Variants in PTPRD observed in about 807,000 individuals in gnomAD.
The protein encoded by PTPRD is protein tyrosine phosphatase receptor type D.
PTPRD carries 34 observed loss-of-function variants against 214.5 expected under a neutral mutation model. The observed-to-expected ratio is 0.16, with a 90% CI of 0.12 to 0.21. The LOEUF (loss-of-function observed/expected upper bound fraction) is 0.21. Among genes scored for constraint, PTPRD ranks in the 10% least tolerant of loss-of-function variants. The probability of loss-of-function intolerance (pLI) is 1.00; values close to 1 mark genes in which losing one functional copy is unlikely to be tolerated. For missense variants in PTPRD, 2,545 were observed against 2,398.7 expected, an observed-to-expected ratio of 1.06 and a Z score of -1.27; for synonymous variants, 1,128 against 845.7, an observed-to-expected ratio of 1.33 and a Z score of -5.79.
At chr9:9,943,034 A>C (rs948441143) in intron 4 of PTPRD, among the ~76,000 whole-genome samples, 1 of 152,132 alleles carries the variant, frequency 6.6e-6, no homozygotes, top group Non-Finnish European at 1.5e-5. Context: ...AACTCGGGGC[A>C]AAAGCTGATA....
chr9:9,869,899 G>A (rs1413699185), intron 5 of PTPRD, among the ~76,000 whole-genome samples: 2 of 151,940 alleles, frequency 1.3e-5, no homozygotes, highest in East Asian at 3.9e-4. Context: ...AAAACAATTA[G>A]AGAACAGCCA....
chr9:9,404,212 G>T (rs922464383), intron 8 of PTPRD, among the ~76,000 whole-genome samples: 3 of 152,142 alleles, frequency 2.0e-5, no homozygotes, highest in South Asian at 2.1e-4. Flanking sequence ...TCATTGGAGG[G>T]TTTTAAGAAG....
chr9:8,607,500 G>A (rs2095273199), intron 14 of PTPRD, among the ~76,000 whole-genome samples: 1 of 152,034 alleles, frequency 6.6e-6, no homozygotes, highest in South Asian at 2.1e-4. Flanking sequence ...AAAATTAGCT[G>A]ATCGTGGTGA....
intron 9 of PTPRD, among the ~76,000 whole-genome samples, chr9:9,372,828 C>T (rs988389725): frequency 1.3e-4 from 20 of 152,034 alleles, no homozygotes; most frequent in African/African-American, 4.6e-4. Flanking sequence ...AATCTCTCAG[C>T]ATTTGCTTGT....
chr9:9,623,000 T>G (rs1387324791), intron 7 of PTPRD, among the ~76,000 whole-genome samples: 1 of 152,216 alleles, frequency 6.6e-6, no homozygotes, highest in East Asian at 1.9e-4. Context: ...GTTTGCTACC[T>G]TGTGTGGTAA....
At chr9:8,788,599 TA>T (rs1458648823) in intron 11 of PTPRD, among the ~76,000 whole-genome samples, 2 of 152,130 alleles carry the variant, frequency 1.3e-5, no homozygotes, top group Non-Finnish European at 2.9e-5. Flanking sequence ...TAACTTAGCC[TA>T]AAAACGTTTC....
intron 14 of PTPRD, among the ~76,000 whole-genome samples, chr9:8,578,572 G>C (rs1166849208): frequency 6.6e-6 from 1 of 152,162 alleles, no homozygotes; most frequent in African/African-American, 2.4e-5. Context: ...GAGTGCAGAG[G>C]CTTGGTTATC....
chr9:8,752,859 G>T (rs551121057), intron 11 of PTPRD, among the ~76,000 whole-genome samples: 1 of 152,324 alleles, frequency 6.6e-6, no homozygotes, highest in East Asian at 1.9e-4. Flanking sequence ...AGAGAATTGA[G>T]ATAATTAAGT....
intron 2 of PTPRD, among the ~76,000 whole-genome samples, chr9:10,413,296 G>T (rs1159640152): frequency 1.3e-5 from 2 of 152,000 alleles, no homozygotes; most frequent in East Asian, 3.9e-4. Flanking sequence ...AAAGTCAATA[G>T]TATTCCTGTA....
At chr9:9,581,525 G>GA (rs531008447) in intron 7 of PTPRD, among the ~76,000 whole-genome samples, 2 of 152,018 alleles carry the variant, frequency 1.3e-5, no homozygotes, top group South Asian at 2.1e-4. Context: ...ACATATTTGG[G>GA]AAAAAATGTA....
intron 5 of PTPRD, among the ~76,000 whole-genome samples, chr9:9,914,289 G>T (rs1199171764): frequency 1.3e-5 from 2 of 152,314 alleles, no homozygotes; most frequent in Admixed American, 6.5e-5. Context: ...TAACAGCCCT[G>T]TGCCTGCAGT....
At chr9:10,333,560 G>A (rs1388689087) in intron 3 of PTPRD, among the ~76,000 whole-genome samples, 1 of 151,750 alleles carries the variant, frequency 6.6e-6, no homozygotes, top group Non-Finnish European at 1.5e-5. Flanking sequence ...TTTTTGAGGG[G>A]TTTGAGAATA....
At chr9:8,974,137 A>G (rs1171764878) in intron 11 of PTPRD, among the ~76,000 whole-genome samples, 1 of 152,012 alleles carries the variant, frequency 6.6e-6, no homozygotes, top group Non-Finnish European at 1.5e-5. Context: ...CGATGTTGAG[A>G]AGGGTATTTC....
intron 35 of PTPRD, among the ~76,000 whole-genome samples, chr9:8,429,311 G>A (rs1291301814): frequency 6.6e-6 from 1 of 152,096 alleles, no homozygotes; most frequent in Admixed American, 6.5e-5. Context: ...CATAGTAGGT[G>A]TGTGACCTTG....
intron 3 of PTPRD, among the ~76,000 whole-genome samples, chr9:10,185,134 A>C (rs2099323748): frequency 6.6e-6 from 1 of 152,232 alleles, no homozygotes; most frequent in Non-Finnish European, 1.5e-5. Flanking sequence ...GAACAGCATT[A>C]AAGATGATCT....
rs375913190 is a variant in PTPRD, at chr9:9,535,750, A to G, written c.-237+38982T>C. Among the ~76,000 whole-genome samples, 10 of 152,218 alleles carry G rather than the reference A, an allele frequency of 6.6e-5. No individual in the cohort carries two copies. The South Asian group carries it at 2.1e-3, about 32-fold the overall frequency. ...GGAAGTGTTACAGAAAAACATTTTC[A>G]GAAGGGATTTCCTTTCTATGTCATT... On this transcript the variant is annotated intron_variant, in intron 8 of 45. Coordinates refer to ENST00000381196, the MANE Select transcript of PTPRD (RefSeq NM_002839.4).
chr9:9,856,988 T>C (rs928231171), intron 5 of PTPRD, among the ~76,000 whole-genome samples: 23 of 152,188 alleles, frequency 1.5e-4, no homozygotes, highest in Non-Finnish European at 3.2e-4. Flanking sequence ...TGTATTATTT[T>C]TCCTCTTTTT....
chr9:8,580,119 G>A (rs1270128257), intron 14 of PTPRD, among the ~76,000 whole-genome samples: 1 of 152,114 alleles, frequency 6.6e-6, no homozygotes, highest in Non-Finnish European at 1.5e-5. Context: ...ATAATGTCAG[G>A]TATTAAGACA....
intron 2 of PTPRD, among the ~76,000 whole-genome samples, chr9:10,608,237 C>T (rs2080011601): frequency 6.6e-6 from 1 of 151,958 alleles, no homozygotes; most frequent in Admixed American, 6.6e-5. Flanking sequence ...CACTAAGCAT[C>T]CCCTTTTACT....
Sources: gnomAD v4.1 joint callset for allele counts (sites outside exome capture counted in the v4.1 genomes callset) on GRCh38, gnomAD v4.1.1 for gene constraint, MANE v1.5 for transcripts, NCBI Gene and HGNC (gene_info 2026-07-23, HGNC 2026-07-21) for gene names.